Variants in KIAA1328 observed in about 807,000 individuals in gnomAD.
KIAA1328 encodes protein hinderin.
KIAA1328 carries 52 observed loss-of-function variants against 68.1 expected under a neutral mutation model. The observed-to-expected ratio is 0.76, with a 90% confidence interval of 0.61 to 0.96. The LOEUF (loss-of-function observed/expected upper bound fraction) is 0.96. Among genes scored for constraint, KIAA1328 ranks in the 40% least tolerant of loss-of-function variants. The pLI is 0.00. For synonymous variants in KIAA1328, 232 were observed against 239.4 expected (o/e 0.97, Z 0.28); for missense variants, 641 against 677.6 (o/e 0.95, Z 0.60).
chr18:36,846,168 G>C (rs2047021811), intron 4 of KIAA1328, among the ~76,000 whole-genome samples: 1 of 151,526 alleles, frequency 6.6e-6, no homozygotes, highest in Admixed American at 6.6e-5. Context: ...TTTGATTGAC[G>C]TGGGAATGTA....
At chr18:37,100,215 G>A (rs1290522971) in intron 7 of KIAA1328, among the ~76,000 whole-genome samples, 1 of 152,214 alleles carries the variant, frequency 6.6e-6, no homozygotes, top group Non-Finnish European at 1.5e-5. Flanking sequence ...GCCGAAGCAG[G>A]GCAAGGCATC....
chr18:37,007,914 G>A (rs920482743), intron 6 of KIAA1328, among the ~76,000 whole-genome samples: 6 of 152,196 alleles, frequency 3.9e-5, no homozygotes, highest in African/African-American at 1.2e-4. Context: ...GTATGGAAAT[G>A]AGTTTCCTAG....
At chr18:37,207,869 G>A (rs1216489369) in intron 9 of KIAA1328, among the ~76,000 whole-genome samples, 1 of 152,164 alleles carries the variant, frequency 6.6e-6, no homozygotes, top group East Asian at 1.9e-4. Context: ...GAGTGCAATG[G>A]CGTGATCTCA....
chr18:37,160,137 A>C, intron 7 of KIAA1328, 63 bp from the exon 8 acceptor site: 1 of 1,321,506 alleles, frequency 7.6e-7, no homozygotes, highest in Non-Finnish European at 1.0e-6. Flanking sequence ...CTGAATTTAA[A>C]TATCTATGTG....
intron 4 of KIAA1328, among the ~76,000 whole-genome samples, chr18:36,872,144 C>T (rs901922611): frequency 6.6e-6 from 1 of 152,072 alleles, no homozygotes; most frequent in African/African-American, 2.4e-5. Context: ...GTAAAAATCA[C>T]TGGGTGGTGC....
At chr18:36,918,739 G>T (rs1208670411) in intron 5 of KIAA1328, among the ~76,000 whole-genome samples, 2 of 151,452 alleles carry the variant, frequency 1.3e-5, no homozygotes, top group East Asian at 3.9e-4. Context: ...ATAAGCATTT[G>T]AAGATATAAA....
rs1181100836 is a variant in KIAA1328 at position 36,984,869 on chromosome 18, G to T, written c.576+25434G>T. ...TGCAGGGAGCAGAGATCACACTACTGCATTCCAGCCTGGAGACAGAGCAAG... is the reference window on the plus strand; with the variant it reads ...TGCAGGGAGCAGAGATCACACTACTTCATTCCAGCCTGGAGACAGAGCAAG... On this transcript the variant is annotated intron_variant, in intron 6 of 9. Coordinates refer to ENST00000280020, the MANE Select transcript of KIAA1328 (RefSeq NM_020776.3). 2.3e-5 allele frequency among the ~76,000 whole-genome samples: 3 copies of T among 129,878 alleles called. No individual in the cohort carries two copies. The Admixed American group carries it at 2.8e-4, about 12-fold the overall frequency. The allele number at this position is 129,878 out of a possible 152,430, so 85.2% of individuals were successfully genotyped here.
intron 7 of KIAA1328, among the ~76,000 whole-genome samples, chr18:37,096,487 T>C (rs2057411519): frequency 6.6e-6 from 1 of 152,248 alleles, no homozygotes; most frequent in Non-Finnish European, 1.5e-5. Context: ...TTGTTGGACA[T>C]TTGGATTGGT....
rs1223600448 is a variant in KIAA1328, at chr18:37,112,999, T to C, written c.1232+45454T>C. On this transcript the variant is annotated intron_variant, in intron 7 of 9. Coordinates refer to ENST00000280020, the MANE Select transcript of KIAA1328 (RefSeq NM_020776.3). ...AAATGAAAAAAGCCTCCAAGAAATA[T>C]GGGACTATGTGAAAAGACCAAATCT... 2.6e-5 allele frequency among the ~76,000 whole-genome samples: 4 copies of C among 151,946 alleles called. No homozygotes were observed. In the South Asian group the frequency reaches 6.2e-4, roughly 24 times the overall value.
rs545280535 is a variant in KIAA1328, at chr18:36,834,192, G to A, written c.59-128G>A. The A allele has an allele frequency of 2.5e-6, 3 of 1,224,420 alleles. No individual in the cohort carries two copies. The African/African-American group carries it at 4.7e-5, about 19-fold the overall frequency. The allele number at this position is 1,224,420 out of a possible 1,614,324, so 75.8% of individuals were successfully genotyped here. On this transcript the variant is annotated intron_variant, in intron 1 of 9. Coordinates refer to ENST00000280020, the MANE Select transcript of KIAA1328 (RefSeq NM_020776.3). Reference sequence around the variant, plus strand: ...TTCAATTACTTTGCTTTCTAACTTTGTTTTTAAAAGTTAGTTACAAATTCC... The same window carrying A: ...TTCAATTACTTTGCTTTCTAACTTTATTTTTAAAAGTTAGTTACAAATTCC...
At chr18:36,957,956 C>T (rs1370163106) in intron 5 of KIAA1328, among the ~76,000 whole-genome samples, 2 of 152,074 alleles carry the variant, frequency 1.3e-5, no homozygotes, top group Admixed American at 6.5e-5. Context: ...TTTGCAGTTA[C>T]TCTCCATTTC....
chr18:37,056,935 G>A (rs916388514), intron 6 of KIAA1328, among the ~76,000 whole-genome samples: 172 of 152,216 alleles, frequency 1.1e-3, no homozygotes, highest in African/African-American at 3.6e-3. Context: ...GAGCCACCAC[G>A]CCCAGCCTAT....
chr18:37,098,759 A>AG (rs1274601759), intron 7 of KIAA1328, among the ~76,000 whole-genome samples: 3 of 152,112 alleles, frequency 2.0e-5, no homozygotes, highest in African/African-American at 7.2e-5. Context: ...AGAGCCTGTT[A>AG]TTTATCTATT....
At chr18:36,837,394 G>A (rs186528057) in intron 3 of KIAA1328, among the ~76,000 whole-genome samples, 51 of 152,132 alleles carry the variant, frequency 3.4e-4, no homozygotes, top group East Asian at 1.7e-3. Flanking sequence ...GTGTATCTTC[G>A]TCAGACAAAT....
intron 7 of KIAA1328, among the ~76,000 whole-genome samples, chr18:37,098,738 G>A (rs894618273): frequency 1.3e-5 from 2 of 152,120 alleles, no homozygotes; most frequent in African/African-American, 4.8e-5. Flanking sequence ...ATTAATTATT[G>A]CCTTAATTTC....
At chr18:37,057,314 A>G (rs1431748036) in intron 6 of KIAA1328, among the ~76,000 whole-genome samples, 2 of 152,116 alleles carry the variant, frequency 1.3e-5, no homozygotes, top group South Asian at 2.1e-4. Flanking sequence ...TGTACAACTC[A>G]TGAGCTAAGA....
At chr18:36,840,368 G>C (rs1173591340) in intron 3 of KIAA1328, among the ~76,000 whole-genome samples, 2 of 152,002 alleles carry the variant, frequency 1.3e-5, no homozygotes, top group Non-Finnish European at 2.9e-5. Context: ...ATTGTCGGGG[G>C]TATATGTGTC....
rs540028608 is a variant in KIAA1328 at position 36,963,696 on chromosome 18, C to T, written c.576+4261C>T. 2.6e-5 allele frequency among the ~76,000 whole-genome samples: 4 copies of T among 152,250 alleles called. No individual in the cohort carries two copies. The South Asian group carries it at 8.3e-4, about 32-fold the overall frequency. ...AATTCTCTTCCCACTTCCCACTTACCTTGTCATGAAGTTACATGTTCTATT... is the reference window on the plus strand; with the variant it reads ...AATTCTCTTCCCACTTCCCACTTACTTTGTCATGAAGTTACATGTTCTATT... On this transcript the variant is annotated intron_variant, in intron 6 of 9. Coordinates refer to ENST00000280020, the MANE Select transcript of KIAA1328 (RefSeq NM_020776.3).
chr18:37,211,661 G>A (rs1369322689), intron 9 of KIAA1328, among the ~76,000 whole-genome samples: 1 of 152,172 alleles, frequency 6.6e-6, no homozygotes, highest in East Asian at 1.9e-4. Flanking sequence ...ATTTGCTATT[G>A]TATAACTTAT....
Sources: allele counts gnomAD v4.1 joint callset (sites outside exome capture counted in the v4.1 genomes callset), GRCh38; gene constraint gnomAD v4.1.1; transcripts MANE v1.5; gene names NCBI Gene and HGNC (gene_info 2026-07-23, HGNC 2026-07-21).